Variants in MYOM2 observed in about 807,000 individuals in gnomAD.
MYOM2 encodes the protein myomesin 2.
A neutral mutation model predicts 187.6 loss-of-function variants in MYOM2; 254 were observed. That is an observed-to-expected ratio of 1.35 (90% CI 1.22 to 1.50). The LOEUF (loss-of-function observed/expected upper bound fraction) is 1.50, where lower values mean the gene tolerates loss of function less well. Ranked by LOEUF, MYOM2 falls within the 40% of genes most tolerant of loss-of-function variation. MYOM2 has a pLI of 0.00. For synonymous variants in MYOM2, 981 were observed against 753.8 expected (o/e 1.30, Z -4.94); for missense variants, 2,796 against 1,924.0 (o/e 1.45, Z -8.48).
Position 2,078,778 on chromosome 8 carries a change from C to A in MYOM2, c.1307C>A (p.Pro436Gln), listed in dbSNP as rs150903286. ...TNNWVQCNDA[P>Q]VKICKYPVTG... The stretch of plus-strand genomic sequence containing the variant: ...AATTGGGTGCAGTGCAATGATGCAC[C>A]GGTGAAAATCTGCAAATACCCGGTC... Residue 436 changes from proline (P) to glutamine (Q), a missense_variant, in exon 12 of 37, where the codon CCG becomes CAG. Coordinates refer to ENST00000262113, the MANE Select transcript of MYOM2 (RefSeq NM_003970.4). 6.2e-7 allele frequency: 1 copy of A among 1,614,030 alleles called. No homozygotes were observed. The highest frequency in any genetic ancestry group is 1.7e-5 in the Admixed American group (1 of 60,010).
intron 23 of MYOM2, among the ~76,000 whole-genome samples, chr8:2,107,244 T>C (rs1341771601): frequency 1.3e-5 from 2 of 152,132 alleles, no homozygotes; most frequent in Admixed American, 6.6e-5. Flanking sequence ...CAGGACAGCG[T>C]CAGCCTTAGA....
chr8:2,073,278 G>T, intron 9 of MYOM2, 61 bp from the exon 10 acceptor site: 1 of 1,554,292 alleles, frequency 6.4e-7, no homozygotes, highest in Non-Finnish European at 8.7e-7. Flanking sequence ...GTGTCCCCGA[G>T]GCTTTCTTTG....
At chr8:2,116,537 G>C (rs1162325920) in intron 27 of MYOM2, among the ~76,000 whole-genome samples, 1 of 152,156 alleles carries the variant, frequency 6.6e-6, no homozygotes, top group Non-Finnish European at 1.5e-5. Flanking sequence ...GGGTAGAGGA[G>C]GTGGTGGCTT....
At position 2,109,522 on chromosome 8, in the gene MYOM2, T is replaced by C; in HGVS notation, c.3171T>C (p.Ser1057=). 2 of 1,611,156 alleles carry C rather than the reference T, an allele frequency of 1.2e-6. No individual in the cohort carries two copies. Among genetic ancestry groups the C allele is most frequent in the South Asian group, 1.1e-5 (1 of 90,652 alleles). Residue 1057 remains serine, a synonymous_variant, in exon 25 of 37, where the codon TCT becomes TCC. Coordinates refer to ENST00000262113, the MANE Select transcript of MYOM2 (RefSeq NM_003970.4). ...TTATTATTAACGACAGAGAAGTCTC[T>C]GACAGCGAGGTGAGTTCCTGTGTGA... The part of the protein sequence containing the change: ...YRFIINDREV[S]DSEIHRIKCD...
chr8:2,072,873 A>C (rs1252147306), intron 9 of MYOM2, among the ~76,000 whole-genome samples: 6 of 152,170 alleles, frequency 3.9e-5, no homozygotes, highest in African/African-American at 1.4e-4. Flanking sequence ...AGTCGTATTG[A>C]GATTCTTTTC....
chr8:2,090,021 G>A lies in MYOM2; in HGVS notation c.1658G>A (p.Ser553Asn), dbSNP rs1467391885. The A allele has an allele frequency of 1.2e-6, 2 of 1,613,828 alleles. No individual in the cohort carries two copies. Among genetic ancestry groups the A allele is most frequent in the South Asian group, 1.1e-5 (1 of 91,052 alleles). The change falls in exon 15 of 37, where the codon AGC becomes AAC. Residue 553 changes from serine to asparagine, a missense_variant. Coordinates refer to ENST00000262113, the MANE Select transcript of MYOM2 (RefSeq NM_003970.4). Reference protein sequence around the residue: ...MYFIEKSVVGSGSWQRVNAQT... With the variant: ...MYFIEKSVVGNGSWQRVNAQT... ...TTCTCTTTGTAGTCCGTGGTGGGGA[G>A]CGGCAGCTGGCAGAGAGTCAACGCC...
chr8:2,123,115 C>T, intron 28 of MYOM2, 137 bp from the exon 29 acceptor site: 1 of 521,986 alleles, frequency 1.9e-6, no homozygotes, highest in Non-Finnish European at 3.4e-6. Flanking sequence ...TTTCCATAAG[C>T]CTTCGTCTGA....
In MYOM2 at chr8:2,070,390, C is replaced by T. The variant is rs146019846; in HGVS notation, c.793+893C>T. Among the ~76,000 whole-genome samples, 105 of 152,302 alleles carry T rather than the reference C, an allele frequency of 6.9e-4. 1 individual carries two copies. The highest frequency in any genetic ancestry group is 2.5e-3 in the African/African-American group (104 of 41,570). On this transcript the variant is annotated intron_variant, in intron 8 of 36. Coordinates refer to ENST00000262113, the MANE Select transcript of MYOM2 (RefSeq NM_003970.4). ...CCGCTGTGGGCGTGGCCTCTGCTCGCGATTTCTGTGTGACTTTTTTTGCTG... is the reference window on the plus strand; with the variant it reads ...CCGCTGTGGGCGTGGCCTCTGCTCGTGATTTCTGTGTGACTTTTTTTGCTG...
chr8:2,130,505 T>G (rs1797827286), intron 32 of MYOM2, among the ~76,000 whole-genome samples: 1 of 152,256 alleles, frequency 6.6e-6, no homozygotes, highest in African/African-American at 2.4e-5. Context: ...TCAATGGTTA[T>G]GACTATTTCA....
intron 31 of MYOM2, among the ~76,000 whole-genome samples, chr8:2,126,587 G>C (rs1349398334): frequency 6.6e-6 from 1 of 152,080 alleles, no homozygotes; most frequent in Non-Finnish European, 1.5e-5. Flanking sequence ...GATGCATACA[G>C]ACTCATACAC....
At position 2,096,439 on chromosome 8, in the gene MYOM2, G is replaced by T. The variant is rs772614210; in HGVS notation, c.2313+5G>T. 1 of 1,613,320 alleles carries T rather than the reference G, an allele frequency of 6.2e-7. No homozygotes were observed. The highest frequency in any genetic ancestry group is 1.1e-5 in the South Asian group (1 of 90,898). On this transcript the variant is annotated splice_donor_5th_base_variant and intron_variant, in intron 18 of 36. Coordinates refer to ENST00000262113, the MANE Select transcript of MYOM2 (RefSeq NM_003970.4). ...AGCAAACCGACAATCCTAACGGTCA[G>T]TTGGTTTTTATTCCTTCGTCTATTT...
intron 21 of MYOM2, 116 bp downstream of exon 21, chr8:2,102,897 T>C: frequency 1.4e-6 from 1 of 737,602 alleles, no homozygotes; most frequent in Non-Finnish European, 2.3e-6. Flanking sequence ...GAACACGTGT[T>C]ATGTGTGTAT....
chr8:2,108,767 T>C lies in MYOM2; in HGVS notation c.2999-19T>C, dbSNP rs1353226003. 1 of 1,613,920 alleles carries C rather than the reference T, an allele frequency of 6.2e-7. No individual in the cohort carries two copies. The highest frequency in any genetic ancestry group is 1.3e-5 in the African/African-American group (1 of 75,042). ...AGGTGCAGGTCCAGATGAATTGAAA[T>C]ACTTTTTCTTCGTTTTAGAGCTCGA... On this transcript the variant is annotated intron_variant, in intron 23 of 36. Coordinates refer to ENST00000262113, the MANE Select transcript of MYOM2 (RefSeq NM_003970.4).
chr8:2,124,697 T>C (rs1797577696), intron 31 of MYOM2, among the ~76,000 whole-genome samples: 1 of 152,232 alleles, frequency 6.6e-6, no homozygotes, highest in Non-Finnish European at 1.5e-5. Flanking sequence ...ATAGTGGCTA[T>C]ATTAATTTAC....
At chr8:2,131,985 C>G (rs982865189) in intron 32 of MYOM2, among the ~76,000 whole-genome samples, 6 of 152,114 alleles carry the variant, frequency 3.9e-5, no homozygotes, top group South Asian at 4.1e-4. Flanking sequence ...ACTATAAGAC[C>G]TTAACTTCTT....
chr8:2,116,023 A>T lies in MYOM2; in HGVS notation c.3244A>T (p.Ile1082Phe), dbSNP rs371188995. 6.2e-7 allele frequency: 1 copy of T among 1,614,134 alleles called. No homozygotes were observed. The change falls in exon 26 of 37, where the codon ATT becomes TTT. Residue 1082 changes from isoleucine (I) to phenylalanine (F), a missense_variant. Physicochemically the swap from Ile to Phe is conservative, Grantham distance 21. Coordinates refer to ENST00000262113, the MANE Select transcript of MYOM2 (RefSeq NM_003970.4). ...TGAGATGGTGATGGATCGATTTAGT[A>T]TTGAAAATGAGGGGACCTACACTGT... is the stretch of plus-strand genomic sequence containing the variant. ...IIEMVMDRFS[I>F]ENEGTYTVQI...
At chr8:2,121,705 A>T (rs142769211) in intron 28 of MYOM2, among the ~76,000 whole-genome samples, 1 of 145,026 alleles carries the variant, frequency 6.9e-6, no homozygotes, top group South Asian at 2.2e-4. Flanking sequence ...CTTCAGAGAA[A>T]ACCATTTTTA....
intron 25 of MYOM2, 118 bp from the exon 26 acceptor site, chr8:2,115,842 G>A: frequency 1.0e-5 from 12 of 1,175,594 alleles, no homozygotes; most frequent in Non-Finnish European, 1.4e-5. Context: ...TTTCATTTTG[G>A]TTTCTTCCTA....
At position 2,069,438 on chromosome 8, in the gene MYOM2, G is replaced by A. The variant is rs372334120; in HGVS notation, c.743-9G>A. On this transcript the variant is annotated splice_polypyrimidine_tract_variant and intron_variant, in intron 7 of 36. Transcript: ENST00000262113. ...TCTTTTCTGCTGCACTCACTTTGCT[G>A]TCTTGCAGGGTTCCGGGGAGACGAG... 7 of 1,614,106 alleles carry A rather than the reference G, an allele frequency of 4.3e-6. No homozygotes were observed. The highest frequency in any genetic ancestry group is 1.3e-5 in the African/African-American group (1 of 74,938).
Sources: gnomAD v4.1 joint callset for allele counts (sites outside exome capture counted in the v4.1 genomes callset) on GRCh38, gnomAD v4.1.1 for gene constraint, MANE v1.5 for transcripts, NCBI Gene and HGNC (gene_info 2026-07-23, HGNC 2026-07-21) for gene names.